Variants in ZSCAN5A observed in about 807,000 individuals in gnomAD.
ZSCAN5A encodes the protein zinc finger and SCAN domain-containing protein 5A.
In ZSCAN5A, 12 loss-of-function variants were observed where a neutral mutation model predicts 23.7. That is an observed-to-expected ratio of 0.51 (90% CI 0.32 to 0.82). ZSCAN5A has a LOEUF of 0.82. Ranked by LOEUF, ZSCAN5A falls within the 40% of genes least tolerant of loss-of-function variation. ZSCAN5A has a pLI of 0.03. For missense variants in ZSCAN5A, 597 were observed against 617.9 expected, an observed-to-expected ratio of 0.97 and a Z score of 0.36; for synonymous variants, 257 against 239.9, an observed-to-expected ratio of 1.07 and a Z score of -0.66.
intron 2 of ZSCAN5A, among the ~76,000 whole-genome samples, chr19:56,330,673 G>T (rs1411923007): frequency 6.6e-6 from 1 of 151,808 alleles, no homozygotes; most frequent in African/African-American, 2.4e-5. Flanking sequence ...CTTTTAAGGG[G>T]GTTACTTTAT....
intron 2 of ZSCAN5A, among the ~76,000 whole-genome samples, chr19:56,257,449 G>A (rs1401859403): frequency 6.6e-6 from 1 of 152,154 alleles, no homozygotes; most frequent in East Asian, 1.9e-4. Context: ...CAGACCATTG[G>A]TATGTGGGAG....
intron 2 of ZSCAN5A, among the ~76,000 whole-genome samples, chr19:56,346,894 A>AT (rs1247733617): frequency 6.6e-6 from 1 of 151,760 alleles, no homozygotes; most frequent in Admixed American, 6.6e-5. Flanking sequence ...TGCCCGGCCA[A>AT]TTTTTTGTAT....
At chr19:56,318,796 G>A (rs145476901), upstream of ZSCAN5A, among the ~76,000 whole-genome samples, 29 of 152,280 alleles carry the variant, frequency 1.9e-4, no homozygotes, top group East Asian at 4.0e-3. Context: ...GAGGGATCAC[G>A]CATTTAATAG....
chr19:56,302,681 CTCCTTCTCTCTCCT>C (rs1415393708), intron 2 of ZSCAN5A, among the ~76,000 whole-genome samples: 1 of 143,420 alleles, frequency 7.0e-6, no homozygotes, highest in Non-Finnish European at 1.5e-5. Flanking sequence ...TCCTCCTTCC[CTCCTTCTCTCTCCT>C]TCCTTCTCTT....
intron 2 of ZSCAN5A, among the ~76,000 whole-genome samples, chr19:56,272,223 T>C (rs993813936): frequency 9.2e-5 from 14 of 152,234 alleles, no homozygotes; most frequent in Admixed American, 9.2e-4. Flanking sequence ...ATAGATGTTG[T>C]TTGCTTGCTT....
intron 2 of ZSCAN5A, among the ~76,000 whole-genome samples, chr19:56,237,030 G>A (rs113851828): frequency 1.3e-5 from 2 of 152,246 alleles, no homozygotes; most frequent in African/African-American, 4.8e-5. Flanking sequence ...TGGGAGGCCT[G>A]TCAAAGACAC....
chr19:56,244,540 G>C (rs2035705035), intron 2 of ZSCAN5A: 1 of 1,263,376 alleles, frequency 7.9e-7, no homozygotes, highest in Non-Finnish European at 1.1e-6. Flanking sequence ...CTTCCAAGTA[G>C]AGGAGAGTTT....
intron 2 of ZSCAN5A, chr19:56,281,658 G>T: frequency 1.0e-6 from 1 of 983,958 alleles, no homozygotes; most frequent in Non-Finnish European, 1.2e-6. Flanking sequence ...TTTCCATGTT[G>T]ATTCACTGGC....
chr19:56,302,673 C>T (rs1272701733), intron 2 of ZSCAN5A, among the ~76,000 whole-genome samples: 1 of 142,020 alleles, frequency 7.0e-6, no homozygotes, highest in Non-Finnish European at 1.5e-5. Context: ...TCTTTCCTTC[C>T]TCCTTCCCTC....
chr19:56,280,237 A>G (rs2038587704), intron 2 of ZSCAN5A, among the ~76,000 whole-genome samples: 1 of 152,230 alleles, frequency 6.6e-6, no homozygotes, highest in Admixed American at 6.5e-5. Context: ...TAATACTTCC[A>G]GAAGATGACT....
intron 2 of ZSCAN5A, among the ~76,000 whole-genome samples, chr19:56,362,849 C>A (rs1275199205): frequency 1.4e-5 from 2 of 145,278 alleles, no homozygotes; most frequent in Admixed American, 7.0e-5. Flanking sequence ...CCAGCCTGGG[C>A]GACAGAGTGA....
intron 2 of ZSCAN5A, among the ~76,000 whole-genome samples, chr19:56,330,096 G>A (rs767098599): frequency 4.6e-5 from 7 of 152,164 alleles, no homozygotes; most frequent in African/African-American, 1.4e-4. Flanking sequence ...TTGGTTTTCT[G>A]TTCCTGTGTT....
At chr19:56,277,065 G>A (rs2038319994) in intron 2 of ZSCAN5A, among the ~76,000 whole-genome samples, 1 of 152,210 alleles carries the variant, frequency 6.6e-6, no homozygotes, top group South Asian at 2.1e-4. Context: ...CTAACGTGGA[G>A]AAATCAGAAC....
chr19:56,275,818 C>T (rs774759207), intron 2 of ZSCAN5A, among the ~76,000 whole-genome samples: 2 of 152,182 alleles, frequency 1.3e-5, no homozygotes, highest in Non-Finnish European at 2.9e-5. Context: ...GATTTATCTG[C>T]GTCTCCAACA....
At chr19:56,343,118 A>G (rs2041607630) in intron 2 of ZSCAN5A, 7 of 751,298 alleles carry the variant, frequency 9.3e-6, no homozygotes, top group Admixed American at 9.1e-5. Flanking sequence ...ATGATCCACA[A>G]TTTCATCCTT....
intron 2 of ZSCAN5A, among the ~76,000 whole-genome samples, chr19:56,353,538 G>A (rs576226645): frequency 3.0e-4 from 45 of 152,288 alleles, no homozygotes; most frequent in Admixed American, 2.9e-3. Context: ...GGGAGGCCGA[G>A]GCGGGCGAAT....
At chr19:56,296,471 T>G (rs919850659) in intron 2 of ZSCAN5A, 1 of 152,228 alleles carries the variant, frequency 6.6e-6, no homozygotes, top group African/African-American at 2.4e-5. Flanking sequence ...CCCTACACTC[T>G]TTATCCGTAT....
In ZSCAN5A at chr19:56,351,730, G is replaced by A. The variant is rs2041668611; in HGVS notation, c.-358+11505C>T. Among the ~76,000 whole-genome samples the A allele has an allele frequency of 6.6e-6, 1 of 152,118 alleles. No individual in the cohort carries two copies. Among genetic ancestry groups the A allele is most frequent in the African/African-American group, 2.4e-5 (1 of 41,406 alleles). On this transcript the variant is annotated intron_variant, in intron 2 of 6. Coordinates refer to the ZSCAN5A transcript ENST00000587340. This position sits in a 1 kb window ranked among gnomAD's most constrained non-coding sequence, Gnocchi z 4.8. ...ATCGGAGCTGTATCAAAATGAACTT[G>A]GGCTGCTCTGTCCCAATGTCTCCAT...
intron 2 of ZSCAN5A, among the ~76,000 whole-genome samples, chr19:56,247,776 C>T (rs1425841190): frequency 6.6e-6 from 1 of 151,992 alleles, no homozygotes; most frequent in Non-Finnish European, 1.5e-5. Flanking sequence ...ACTGCCAGCT[C>T]AGTCTCCCAG....
Sources: gnomAD v4.1 joint callset for allele counts (sites outside exome capture counted in the v4.1 genomes callset) on GRCh38, gnomAD v4.1.1 for gene constraint, Gnocchi (gnomAD v3.1) non-coding constraint, MANE v1.5 for transcripts, NCBI Gene and HGNC (gene_info 2026-07-23, HGNC 2026-07-21) for gene names.